The following OSTC variants were observed in gnomAD, a reference collection of about 807,000 sequenced individuals.
OSTC encodes oligosaccharyltransferase complex subunit OSTC.
A neutral mutation model predicts 16.4 loss-of-function variants in OSTC; 16 were observed. That is an observed-to-expected ratio of 0.98 (90% CI 0.66 to 1.49). OSTC has a LOEUF of 1.49. Ranked by LOEUF, OSTC falls within the 40% of genes most tolerant of loss-of-function variation. OSTC has a pLI of 0.00. For missense variants in OSTC, 139 were observed against 186.3 expected (o/e 0.75, Z 1.48); for synonymous variants, 67 against 68.5 (o/e 0.98, Z 0.11).
intron 3 of OSTC, among the ~76,000 whole-genome samples, chr4:108,658,425 T>TTTGTG (rs139808647): frequency 9.3e-5 from 14 of 149,936 alleles, no homozygotes; most frequent in African/African-American, 1.5e-4. Flanking sequence ...ATTTATATAT[T>TTTGTG]TGTGTGTGTG....
At chr4:108,662,998 C>A (rs1483765337) in intron 3 of OSTC, among the ~76,000 whole-genome samples, 1 of 152,216 alleles carries the variant, frequency 6.6e-6, no homozygotes, top group African/African-American at 2.4e-5. Context: ...TCTGTGAACT[C>A]TCTTGGCCTC....
At chr4:108,657,913 G>GTTT (rs1726752236) in intron 3 of OSTC, among the ~76,000 whole-genome samples, 2 of 79,024 alleles carry the variant, frequency 2.5e-5, no homozygotes, top group Non-Finnish European at 4.9e-5. Flanking sequence ...GATAGTCATT[G>GTTT]TTTCTTTTTT....
chr4:108,665,320 A>G (rs190991261), intron 3 of OSTC, among the ~76,000 whole-genome samples: 134 of 152,224 alleles, frequency 8.8e-4, no homozygotes, highest in African/African-American at 3.2e-3. Flanking sequence ...AAACCCTTTG[A>G]GGTAACTCCA....
intron 3 of OSTC, among the ~76,000 whole-genome samples, chr4:108,661,495 G>A (rs764479568): frequency 4.6e-5 from 7 of 152,202 alleles, no homozygotes; most frequent in South Asian, 4.1e-4. Flanking sequence ...ACTGGTACAC[G>A]TTTGAACTTG....
In OSTC at chr4:108,651,199, C is replaced by T. The variant is rs1726531924; in HGVS notation, c.139+405C>T. 2.3e-5 allele frequency: 4 copies of T among 174,202 alleles called. No individual in the cohort carries two copies. In the South Asian group the frequency reaches 4.8e-4, roughly 21 times the overall value. 10.8% of individuals were successfully genotyped at this position (174,202 alleles called of 1,614,324 possible). ...AAGGTCCTGGGAAGGTCTAATTTGG[C>T]CAACTCCGCTTCCATGGTTGGTCAA... On this transcript the variant is annotated intron_variant, in intron 1 of 3. Transcript: ENST00000361564.
Position 108,663,243 on chromosome 4 carries a change from G to C in OSTC, c.432-4004G>C, listed in dbSNP as rs761197475. The C allele has an allele frequency of 1.1e-5, 5 of 455,196 alleles. No individual in the cohort carries two copies. The East Asian group carries it at 3.5e-4, about 32-fold the overall frequency. The allele number at this position is 455,196 out of a possible 1,614,324, so 28.2% of individuals were successfully genotyped here. ...TTGTTTCGTATTGAGACGGAGTCTCGCTCTGTTGCCCAGGCTGGAGTGCAG... is the reference window on the plus strand; with the variant it reads ...TTGTTTCGTATTGAGACGGAGTCTCCCTCTGTTGCCCAGGCTGGAGTGCAG... On this transcript the variant is annotated intron_variant, in intron 3 of 3. Transcript: ENST00000361564.
At chr4:108,654,477 A>G (rs1406143870) in intron 1 of OSTC, among the ~76,000 whole-genome samples, 1 of 152,172 alleles carries the variant, frequency 6.6e-6, no homozygotes, top group Non-Finnish European at 1.5e-5. Context: ...GTAATTGCAA[A>G]AGGGATCCCA....
chr4:108,662,265 A>G (rs1457259255), intron 3 of OSTC, among the ~76,000 whole-genome samples: 1 of 152,226 alleles, frequency 6.6e-6, no homozygotes, highest in Non-Finnish European at 1.5e-5. Flanking sequence ...TTAAACTAAC[A>G]TCATTTAGGG....
chr4:108,657,874 G>C (rs1726750386), intron 3 of OSTC, among the ~76,000 whole-genome samples: 1 of 127,440 alleles, frequency 7.8e-6, no homozygotes, highest in East Asian at 2.7e-4. Context: ...AGAAAATTTA[G>C]TTACTTTGTC....
intron 2 of OSTC, among the ~76,000 whole-genome samples, chr4:108,656,890 G>T (rs1191531298): frequency 6.6e-6 from 1 of 152,092 alleles, no homozygotes; most frequent in Admixed American, 6.6e-5. Context: ...ACGAGGTCAG[G>T]AGATTGGGAC....
chr4:108,657,120 T>C (rs1726729059), intron 2 of OSTC, among the ~76,000 whole-genome samples: 1 of 150,922 alleles, frequency 6.6e-6, no homozygotes, highest in African/African-American at 2.4e-5. Context: ...ATACATAAAA[T>C]ATGAGTATTT....
At chr4:108,662,662 C>T (rs1726885619) in intron 3 of OSTC, among the ~76,000 whole-genome samples, 1 of 152,148 alleles carries the variant, frequency 6.6e-6, no homozygotes, top group Non-Finnish European at 1.5e-5. Context: ...CTATTAATTA[C>T]CTTTTAAATC....
chr4:108,664,578 GAACCTTTT>G (rs1436973607), intron 3 of OSTC, among the ~76,000 whole-genome samples: 1 of 151,314 alleles, frequency 6.6e-6, no homozygotes, highest in Non-Finnish European at 1.5e-5. Context: ...TATATCCAAA[GAACCTTTT>G]AATTTTTAAT....
intron 2 of OSTC, among the ~76,000 whole-genome samples, chr4:108,656,004 G>T (rs1012997738): frequency 2.6e-5 from 4 of 151,866 alleles, no homozygotes; most frequent in Non-Finnish European, 4.4e-5. Flanking sequence ...TGTTTTATAT[G>T]ATCTATGGCT....
intron 1 of OSTC, chr4:108,651,015 TTTCTTCTCC>T: frequency 1.8e-6 from 1 of 559,144 alleles, no homozygotes; most frequent in Non-Finnish European, 3.0e-6. Flanking sequence ...TCCCATTGCC[TTTCTTCTCC>T]TTCTAGCCCT....
At chr4:108,658,941 A>ATAGCTGCT (rs1726782522) in intron 3 of OSTC, among the ~76,000 whole-genome samples, 1 of 143,754 alleles carries the variant, frequency 7.0e-6, no homozygotes. Flanking sequence ...GTGTGGCCAT[A>ATAGCTGCT]TAGCTGCTCA....
intron 3 of OSTC, among the ~76,000 whole-genome samples, chr4:108,664,261 A>G (rs1259988596): frequency 6.7e-6 from 1 of 149,294 alleles, no homozygotes; most frequent in Non-Finnish European, 1.5e-5. Context: ...GTCACCCACT[A>G]GTTACAAGGA....
At chr4:108,655,686 T>C (rs1578338061) in intron 2 of OSTC, 29 bp downstream of exon 2, 5 of 1,526,040 alleles carry the variant, frequency 3.3e-6, no homozygotes, top group Admixed American at 3.4e-5. Context: ...AATGATTTGG[T>C]GGTGGGAAAG....
intron 3 of OSTC, among the ~76,000 whole-genome samples, chr4:108,666,179 C>T (rs960966605): frequency 1.3e-5 from 2 of 152,104 alleles, no homozygotes; most frequent in Non-Finnish European, 2.9e-5. Flanking sequence ...TTTGAAGTCT[C>T]AGAGGCTCAC....
Sources: gnomAD v4.1 joint callset for allele counts (sites outside exome capture counted in the v4.1 genomes callset) on GRCh38, gnomAD v4.1.1 for gene constraint, MANE v1.5 for transcripts, NCBI Gene and HGNC (gene_info 2026-07-23, HGNC 2026-07-21) for gene names.